Variants in EPHA6 observed in about 807,000 individuals in gnomAD.
EPHA6 encodes ephrin type-A receptor 6.
In EPHA6, 50 loss-of-function variants were observed where a neutral mutation model predicts 112.0. The ratio of observed to expected loss-of-function variants is 0.45; its 90% CI spans 0.36 to 0.56. The LOEUF (loss-of-function observed/expected upper bound fraction) is 0.56, where lower values mean the gene tolerates loss of function less well. Among genes scored for constraint, EPHA6 ranks in the 20% least tolerant of loss-of-function variants. The probability of loss-of-function intolerance (pLI) is 0.00; values close to 1 mark genes in which losing one functional copy is unlikely to be tolerated. For synonymous variants in EPHA6, 529 were observed against 490.7 expected (o/e 1.08, Z -1.03); for missense variants, 1,280 against 1,417.4 (o/e 0.90, Z 1.56).
rs140206010 is a variant in EPHA6, at chr3:97,432,735, G to T, written c.1732-15833G>T. 6.0e-3 allele frequency among the ~76,000 whole-genome samples: 914 copies of T among 152,240 alleles called. 12 individuals are homozygous for T. Among genetic ancestry groups the T allele is most frequent in the African/African-American group, 0.02 (841 of 41,546 alleles). On this transcript the variant is annotated intron_variant, in intron 6 of 17. Coordinates refer to ENST00000389672, the MANE Select transcript of EPHA6 (RefSeq NM_001080448.3). ...ATGTGTAAGGCAAAGAAGAAGCAAG[G>T]ACCTTTTTCCCATGGTGGGAAGAGA...
At chr3:97,001,579 T>C (rs1359283607) in intron 3 of EPHA6, among the ~76,000 whole-genome samples, 2 of 152,162 alleles carry the variant, frequency 1.3e-5, no homozygotes, top group East Asian at 3.8e-4. Context: ...TATGATATTA[T>C]GAAAACTTCT....
At chr3:97,426,846 C>T (rs561059687) in intron 6 of EPHA6, among the ~76,000 whole-genome samples, 42 of 152,204 alleles carry the variant, frequency 2.8e-4, no homozygotes, top group African/African-American at 9.9e-4. Flanking sequence ...CACAAATTAA[C>T]AGGCGAAAGG....
At chr3:97,720,516 A>G in intron 15 of EPHA6, 106 bp downstream of exon 15, 1 of 1,007,712 alleles carries the variant, frequency 9.9e-7, no homozygotes, top group South Asian at 2.1e-5. Context: ...TATCTTCCTG[A>G]GAACTTCTCA....
chr3:97,229,864 G>A (rs1324761268), intron 4 of EPHA6, among the ~76,000 whole-genome samples: 2 of 151,992 alleles, frequency 1.3e-5, no homozygotes, highest in African/African-American at 2.4e-5. Context: ...TTACAGCCTA[G>A]AAAATTACTA....
At chr3:97,097,629 C>A (rs1034860461) in intron 3 of EPHA6, among the ~76,000 whole-genome samples, 19 of 151,564 alleles carry the variant, frequency 1.3e-4, no homozygotes, top group African/African-American at 4.4e-4. Flanking sequence ...AAATTTATGT[C>A]TTCACTGCCA....
chr3:97,415,910 T>G (rs2088085649), intron 6 of EPHA6, among the ~76,000 whole-genome samples: 2 of 152,100 alleles, frequency 1.3e-5, no homozygotes, highest in Non-Finnish European at 2.9e-5. Flanking sequence ...ACTTGAATTT[T>G]TTTTTACTTG....
intron 2 of EPHA6, among the ~76,000 whole-genome samples, chr3:96,975,768 A>G (rs1251247298): frequency 1.3e-5 from 2 of 152,188 alleles, no homozygotes; most frequent in African/African-American, 4.8e-5. Context: ...TCCAAAAAAG[A>G]GCTCACAAAA....
chr3:97,385,724 TG>T, intron 5 of EPHA6, among the ~76,000 whole-genome samples: 1 of 152,302 alleles, frequency 6.6e-6, no homozygotes, highest in South Asian at 2.1e-4. Context: ...CTCCTGCTTC[TG>T]GGGAAGCCTC....
chr3:97,746,156 A>T (rs1349154851), intron 16 of EPHA6, among the ~76,000 whole-genome samples: 4 of 151,920 alleles, frequency 2.6e-5, no homozygotes, highest in Non-Finnish European at 4.4e-5. Flanking sequence ...AAAACAAAGT[A>T]AATGAAAGTT....
intron 11 of EPHA6, chr3:97,559,803 C>T (rs2107152046): frequency 3.1e-6 from 1 of 324,314 alleles, no homozygotes; most frequent in Non-Finnish European, 6.0e-6. Context: ...CCTTAGTCAG[C>T]TATCTCATTA....
At chr3:96,997,507 G>T (rs540787866) in intron 3 of EPHA6, among the ~76,000 whole-genome samples, 1 of 151,846 alleles carries the variant, frequency 6.6e-6, no homozygotes, top group Non-Finnish European at 1.5e-5. Flanking sequence ...CAATATTGCC[G>T]TGTCTCAGAG....
At chr3:97,635,599 T>C (rs1176524692) in intron 13 of EPHA6, among the ~76,000 whole-genome samples, 4 of 151,876 alleles carry the variant, frequency 2.6e-5, no homozygotes, top group Admixed American at 2.0e-4. Context: ...AATAGGCAAA[T>C]ATATAGAGCT....
At chr3:97,577,692 C>T (rs2093400018) in intron 11 of EPHA6, among the ~76,000 whole-genome samples, 1 of 152,156 alleles carries the variant, frequency 6.6e-6, no homozygotes, top group Admixed American at 6.6e-5. Flanking sequence ...TCTAGCTATT[C>T]ACTTCTAGAT....
At chr3:96,978,309 T>C (rs879076452) in intron 2 of EPHA6, among the ~76,000 whole-genome samples, 8 of 152,176 alleles carry the variant, frequency 5.3e-5, no homozygotes, top group Non-Finnish European at 5.9e-5. Flanking sequence ...GTCTTGCTGT[T>C]TCAGAGGTGG....
At chr3:97,358,322 C>T (rs974694961) in intron 5 of EPHA6, among the ~76,000 whole-genome samples, 3 of 152,048 alleles carry the variant, frequency 2.0e-5, no homozygotes, top group African/African-American at 7.2e-5. Context: ...TTCATACCAG[C>T]TTTCCTTCAA....
intron 5 of EPHA6, among the ~76,000 whole-genome samples, chr3:97,404,572 T>C (rs2109125101): frequency 6.6e-6 from 1 of 152,272 alleles, no homozygotes; most frequent in South Asian, 2.1e-4. Context: ...AAAAGTAAAA[T>C]AGACATGATT....
At chr3:97,426,815 C>G (rs2089159964) in intron 6 of EPHA6, among the ~76,000 whole-genome samples, 1 of 152,130 alleles carries the variant, frequency 6.6e-6, no homozygotes, top group African/African-American at 2.4e-5. Context: ...GGTCTAATAT[C>G]TAGAATCTAT....
chr3:97,117,157 C>T (rs1035851214), intron 3 of EPHA6, among the ~76,000 whole-genome samples: 3 of 151,548 alleles, frequency 2.0e-5, no homozygotes, highest in Non-Finnish European at 3.0e-5. Flanking sequence ...GGTTTTGGCC[C>T]ATTTTTAATT....
intron 11 of EPHA6, among the ~76,000 whole-genome samples, chr3:97,580,252 T>C (rs566492339): frequency 6.6e-6 from 1 of 152,326 alleles, no homozygotes; most frequent in East Asian, 1.9e-4. Flanking sequence ...TCTCACACTG[T>C]CACTATATCT....
Sources: gnomAD v4.1 joint callset for allele counts (sites outside exome capture counted in the v4.1 genomes callset) on GRCh38, gnomAD v4.1.1 for gene constraint, MANE v1.5 for transcripts, NCBI Gene and HGNC (gene_info 2026-07-23, HGNC 2026-07-21) for gene names.